The following RASAL2 variants were observed in gnomAD, a reference collection of about 807,000 sequenced individuals.
The protein encoded by RASAL2 is RAS protein activator like 2.
Under a neutral mutation model 128.9 loss-of-function variants are expected in RASAL2, and 58 were observed. The ratio of observed to expected loss-of-function variants is 0.45; its 90% confidence interval spans 0.36 to 0.56. RASAL2 has a LOEUF of 0.56. Ranked by LOEUF, RASAL2 falls within the 20% of genes least tolerant of loss-of-function variation. The probability of loss-of-function intolerance (pLI) is 0.00; values close to 1 mark genes in which losing one functional copy is unlikely to be tolerated. For missense variants in RASAL2, 1,360 were observed against 1,601.6 expected, an observed-to-expected ratio of 0.85 and a Z score of 2.57; for synonymous variants, 561 against 580.8, an observed-to-expected ratio of 0.97 and a Z score of 0.49.
chr1:178,442,638 G>T, intron 7 of RASAL2, 37 bp from the exon 8 acceptor site: 2 of 1,533,484 alleles, frequency 1.3e-6, no homozygotes, highest in Admixed American at 2.2e-5. Context: ...TTTCTGCAAT[G>T]TCAGCTCTGA....
chr1:178,367,377 A>C (rs1210691966), intron 3 of RASAL2, among the ~76,000 whole-genome samples: 1 of 152,162 alleles, frequency 6.6e-6, no homozygotes, highest in Non-Finnish European at 1.5e-5. Flanking sequence ...CTGAAATTGT[A>C]AACCTCCCCC....
chr1:178,196,667 C>T (rs1324258368), intron 1 of RASAL2, among the ~76,000 whole-genome samples: 1 of 152,104 alleles, frequency 6.6e-6, no homozygotes, highest in African/African-American at 2.4e-5. Context: ...AATACTACAC[C>T]ATCTTATATA....
intron 1 of RASAL2, among the ~76,000 whole-genome samples, chr1:178,265,060 C>A (rs190401186): frequency 6.6e-6 from 1 of 152,238 alleles, no homozygotes; most frequent in Admixed American, 6.5e-5. Flanking sequence ...GAACCGGGGA[C>A]AAAGACCAAA....
chr1:178,341,528 CAA>C (rs1669878917), intron 3 of RASAL2: 1 of 1,612,088 alleles, frequency 6.2e-7, no homozygotes, highest in Non-Finnish European at 8.5e-7. Flanking sequence ...GTACAGTATA[CAA>C]AGTGTTTTGA....
chr1:178,192,791 G>A (rs1177608938), intron 1 of RASAL2, among the ~76,000 whole-genome samples: 1 of 152,180 alleles, frequency 6.6e-6, no homozygotes, highest in Non-Finnish European at 1.5e-5. Context: ...AGTCTGGCCA[G>A]CTATTTCCTT....
At chr1:178,324,603 A>G (rs1037979680) in intron 3 of RASAL2, among the ~76,000 whole-genome samples, 6 of 152,130 alleles carry the variant, frequency 3.9e-5, no homozygotes, top group African/African-American at 1.4e-4. Context: ...TTTACAATGC[A>G]TCTTGAAATA....
At chr1:178,446,162 C>A (rs962894074) in intron 9 of RASAL2, among the ~76,000 whole-genome samples, 6 of 152,184 alleles carry the variant, frequency 3.9e-5, no homozygotes, top group Non-Finnish European at 8.8e-5. Context: ...TTCTTGCTGA[C>A]TAGGCTACGC....
At chr1:178,186,074 T>G (rs1571601408) in intron 1 of RASAL2, among the ~76,000 whole-genome samples, 1 of 152,288 alleles carries the variant, frequency 6.6e-6, no homozygotes, top group South Asian at 2.1e-4. Context: ...TATAGAGCTA[T>G]TAAAGTTATC....
chr1:178,457,993 C>T lies in RASAL2; in HGVS notation c.2701C>T (p.Pro901Ser), dbSNP rs773591242. The change falls in exon 14 of 18, where the codon CCC becomes TCC. Residue 901 changes from proline (P) to serine (S), a missense_variant. Around this residue, in one of 3 missense-constraint regions of RASAL2, gnomAD observed 741 missense variants for 868.6 expected, o/e 0.85. Coordinates refer to ENST00000367649, the MANE Select transcript of RASAL2 (RefSeq NM_170692.4). ...AACCCAGAGCACTCCCCAAAGTGCA[C>T]CCCAAGTGAGAAGGCCCCTGCACCC... ...RETQSTPQSAPQVRRPLHPAL... is the reference protein window; with the variant it reads ...RETQSTPQSASQVRRPLHPAL... 16 of 1,613,982 alleles carry T rather than the reference C, an allele frequency of 9.9e-6. No homozygotes were observed. The highest frequency in any genetic ancestry group is 1.6e-4 in the Middle Eastern group (1 of 6,084).
intron 6 of RASAL2, among the ~76,000 whole-genome samples, chr1:178,441,261 T>C (rs894409252): frequency 4.6e-5 from 7 of 152,184 alleles, no homozygotes; most frequent in African/African-American, 1.7e-4. Flanking sequence ...TCAATAAAAT[T>C]GGACTCTTAG....
chr1:178,470,549 C>T (rs1371980238), intron 17 of RASAL2: 1 of 498,058 alleles, frequency 2.0e-6, no homozygotes, highest in Non-Finnish European at 3.6e-6. Context: ...CACCTTTCAC[C>T]CCTGAGCATG....
intron 3 of RASAL2, among the ~76,000 whole-genome samples, chr1:178,386,287 A>G (rs1262641705): frequency 3.9e-5 from 6 of 152,224 alleles, no homozygotes; most frequent in Non-Finnish European, 2.9e-5. Context: ...TCTTCCTTCC[A>G]GAAAGCTAAT....
At chr1:178,212,499 T>TC (rs968350750) in intron 1 of RASAL2, among the ~76,000 whole-genome samples, 12 of 152,258 alleles carry the variant, frequency 7.9e-5, no homozygotes, top group Non-Finnish European at 1.3e-4. Context: ...TCTTTTTTTT[T>TC]CTGTTTTTTT....
chr1:178,147,674 A>G (rs1660780152), intron 1 of RASAL2, among the ~76,000 whole-genome samples: 1 of 152,172 alleles, frequency 6.6e-6, no homozygotes, highest in Non-Finnish European at 1.5e-5. Context: ...ATAGTAATAT[A>G]ACTAGGTTGT....
In RASAL2 at chr1:178,214,375, A is replaced by G. The variant is rs12035278; in HGVS notation, c.203-69189A>G. On this transcript the variant is annotated intron_variant, in intron 1 of 17. Transcript: ENST00000367649. Reference sequence around the variant, plus strand: ...GTAGTAGTAGTTACTGTAGCCATACATATAACTTGACTTATTTGGAACTTA... The same window carrying G: ...GTAGTAGTAGTTACTGTAGCCATACGTATAACTTGACTTATTTGGAACTTA... 2.0e-3 allele frequency among the ~76,000 whole-genome samples: 299 copies of G among 152,332 alleles called. 2 individuals are homozygous for G. The East Asian group carries it at 0.028, about 14-fold the overall frequency.
intron 7 of RASAL2, 76 bp from the exon 8 acceptor site, chr1:178,442,599 A>C: frequency 5.4e-6 from 7 of 1,307,856 alleles, no homozygotes; most frequent in Non-Finnish European, 7.3e-6. Context: ...CCTAATGAAC[A>C]TTGCCAACTT....
rs549848632 is a variant in RASAL2, at chr1:178,236,756, C to CTT, written c.203-46784_203-46783dup. ...CTGTGATATTTTATATTGGACACTA[C>CTT]TTTTTTTTTTTTTTTTTTTTTTTTT... is the stretch of plus-strand genomic sequence containing the variant. On this transcript the variant is annotated intron_variant, in intron 1 of 17. Transcript: ENST00000367649. Among the ~76,000 whole-genome samples the CTT allele has an allele frequency of 5.4e-4, 64 of 118,424 alleles. 1 individual carries two copies. The highest frequency in any genetic ancestry group is 8.0e-4 in the Admixed American group (9 of 11,274). 77.7% of individuals were successfully genotyped at this position (118,424 alleles called of 152,430 possible).
chr1:178,372,166 A>G, intron 3 of RASAL2: 9 of 985,324 alleles, frequency 9.1e-6, no homozygotes, highest in Non-Finnish European at 1.1e-5. Context: ...CCAAGAATTT[A>G]GTCTCTGTAT....
At chr1:178,108,648 TA>T (rs1659186784) in intron 1 of RASAL2, among the ~76,000 whole-genome samples, 1 of 152,220 alleles carries the variant, frequency 6.6e-6, no homozygotes, top group African/African-American at 2.4e-5. Flanking sequence ...TTAATCACTA[TA>T]TAATTTGACT....
Sources: gnomAD v4.1 joint callset for allele counts (sites outside exome capture counted in the v4.1 genomes callset) on GRCh38, gnomAD v4.1.1 for gene constraint, gnomAD v4.1.1 regional missense constraint, MANE v1.5 for transcripts, NCBI Gene and HGNC (gene_info 2026-07-23, HGNC 2026-07-21) for gene names.